The following ATF7IP2 variants were observed in gnomAD, a reference collection of about 807,000 sequenced individuals.
ATF7IP2 encodes the protein activating transcription factor 7 interacting protein 2, also known as activating transcription factor 7-interacting protein 2.
In ATF7IP2, 42 loss-of-function variants were observed where a neutral mutation model predicts 64.2. That is an observed-to-expected ratio of 0.65 (90% confidence interval 0.51 to 0.85). The LOEUF is 0.85. Ranked by LOEUF, ATF7IP2 falls within the 40% of genes least tolerant of loss-of-function variation. ATF7IP2 has a pLI of 0.00. For synonymous variants in ATF7IP2, 308 were observed against 272.8 expected (o/e 1.13, Z -1.27); for missense variants, 933 against 784.2 (o/e 1.19, Z -2.27).
At chr16:10,481,088 TA>T in intron 13 of ATF7IP2, 124 bp downstream of exon 13, 1 of 674,238 alleles carries the variant, frequency 1.5e-6, no homozygotes, top group Non-Finnish European at 2.6e-6. Flanking sequence ...GTGCTGTTGT[TA>T]ATCTACTTAT....
intron 8 of ATF7IP2, among the ~76,000 whole-genome samples, chr16:10,442,087 C>T (rs2048644733): frequency 6.6e-6 from 1 of 152,206 alleles, no homozygotes; most frequent in South Asian, 2.1e-4. Flanking sequence ...CTAGATTTAG[C>T]ATTTAGAATA....
At position 10,482,973 on chromosome 16, in the gene ATF7IP2, C is replaced by G. The variant is rs986449379; in HGVS notation, c.*724C>G. The stretch of plus-strand genomic sequence containing the variant: ...AGGGGATCCACCCGCCTCGGCCTCC[C>G]GAAGTGCTGGGATTATAGGCGTAAG... On this transcript the variant is annotated 3_prime_UTR_variant, in exon 14 of 14. Transcript: ENST00000562102. The G allele has an allele frequency of 6.6e-6, 1 of 152,232 alleles. No homozygotes were observed. Among genetic ancestry groups the G allele is most frequent in the Non-Finnish European group, 1.5e-5 (1 of 68,068 alleles). 9.4% of individuals were successfully genotyped at this position (152,232 alleles called of 1,614,324 possible). A position where few individuals can be genotyped will look rare whatever the true frequency, so the allele number is the denominator to read the frequency against.
At chr16:10,432,096 C>T (rs1489563002) in intron 5 of ATF7IP2, among the ~76,000 whole-genome samples, 2 of 151,692 alleles carry the variant, frequency 1.3e-5, no homozygotes, top group Admixed American at 1.3e-4. Flanking sequence ...CTTGGCCTCC[C>T]AAAGTGCTGG....
chr16:10,410,211 ATGTGTTTTCATTTGTT>A (rs1200162912), intron 1 of ATF7IP2, among the ~76,000 whole-genome samples: 2 of 152,018 alleles, frequency 1.3e-5, no homozygotes, highest in Admixed American at 6.5e-5. Flanking sequence ...TGAGCACGGG[ATGTGTTTTCATTTGTT>A]TGTATCATCT....
intron 12 of ATF7IP2, among the ~76,000 whole-genome samples, chr16:10,477,365 G>A (rs1424129616): frequency 6.6e-6 from 1 of 152,178 alleles, no homozygotes; most frequent in African/African-American, 2.4e-5. Flanking sequence ...GCTTTTTGAT[G>A]TGCCAAAAAC....
At chr16:10,441,794 G>C (rs903470743) in intron 8 of ATF7IP2, among the ~76,000 whole-genome samples, 2 of 152,054 alleles carry the variant, frequency 1.3e-5, no homozygotes, top group African/African-American at 4.8e-5. Context: ...GTTGCTTTTG[G>C]TGTTTTAGTC....
chr16:10,414,938 A>G (rs2047842181), intron 2 of ATF7IP2, among the ~76,000 whole-genome samples: 1 of 152,160 alleles, frequency 6.6e-6, no homozygotes, highest in Non-Finnish European at 1.5e-5. Flanking sequence ...AAAGATACCT[A>G]CAATGAAGAC....
At chr16:10,392,110 C>A (rs8057804) in intron 1 of ATF7IP2, among the ~76,000 whole-genome samples, 1 of 145,324 alleles carries the variant, frequency 6.9e-6, no homozygotes. Flanking sequence ...CTGGAGTGAA[C>A]GGGCAAGATC....
chr16:10,393,525 G>A (rs1359380255), intron 1 of ATF7IP2, among the ~76,000 whole-genome samples: 1 of 152,096 alleles, frequency 6.6e-6, no homozygotes, highest in Non-Finnish European at 1.5e-5. Context: ...AAAGCCATGA[G>A]AAATTCAAGA....
intron 1 of ATF7IP2, among the ~76,000 whole-genome samples, chr16:10,410,086 A>G (rs886925020): frequency 3.3e-5 from 5 of 152,132 alleles, no homozygotes; most frequent in Admixed American, 3.3e-4. Flanking sequence ...TGAATTTAGG[A>G]TTCTTTTTTC....
intron 8 of ATF7IP2, among the ~76,000 whole-genome samples, chr16:10,442,714 C>T (rs561193480): frequency 2.3e-4 from 35 of 152,206 alleles, no homozygotes; most frequent in Admixed American, 6.5e-4. Flanking sequence ...GTTCCTATCA[C>T]GATACAGACT....
chr16:10,440,546 C>A, intron 8 of ATF7IP2, 84 bp downstream of exon 8: 2 of 807,386 alleles, frequency 2.5e-6, no homozygotes, highest in Non-Finnish European at 3.9e-6. Flanking sequence ...TATTTCCAGG[C>A]TAGGACAGAA....
At chr16:10,410,342 GTTTTGTTTTGT>G (rs1472386540) in intron 1 of ATF7IP2, among the ~76,000 whole-genome samples, 1 of 44,530 alleles carries the variant, frequency 2.2e-5, no homozygotes, top group East Asian at 9.4e-4. Flanking sequence ...GTTTTGTTTT[GTTTTGTTTTGT>G]TTTGTTTTTG....
At chr16:10,448,325 T>G (rs1046788569) in intron 8 of ATF7IP2, 2 of 152,204 alleles carry the variant, frequency 1.3e-5, no homozygotes, top group African/African-American at 4.8e-5. Flanking sequence ...AATGGTAGCT[T>G]GATGGGGATA....
Position 10,431,228 on chromosome 16 carries a change from C to T in ATF7IP2, c.608C>T (p.Thr203Ile), listed in dbSNP as rs1398381226. 1 of 1,614,020 alleles carries T rather than the reference C, an allele frequency of 6.2e-7. No individual in the cohort carries two copies. The highest frequency in any genetic ancestry group is 1.3e-5 in the African/African-American group (1 of 74,916). The change falls in exon 5 of 14, where the codon ACA becomes ATA. Residue 203 changes from threonine to isoleucine, a missense_variant. Transcript: ENST00000562102. The stretch of plus-strand genomic sequence containing the variant: ...GACCAGATGGTTTTCCATTTAGAAA[C>T]AAACTCCAATTCAGAATCACATGAT... ...KTDQMVFHLE[T>I]NSNSESHDKR...
rs1326770703 is a variant in ATF7IP2, at chr16:10,393,292, G to A, written c.-242+7170G>A. On this transcript the variant is annotated intron_variant, in intron 1 of 13. Transcript: ENST00000562102. ...CTCAATGCCAGTGCACTCCAGGCTGGGTGACAGAGTGAGACTCTGTCTCAA... is the reference window on the plus strand; with the variant it reads ...CTCAATGCCAGTGCACTCCAGGCTGAGTGACAGAGTGAGACTCTGTCTCAA... 3.0e-5 allele frequency among the ~76,000 whole-genome samples: 4 copies of A among 133,754 alleles called. No individual in the cohort carries two copies. In the South Asian group the frequency reaches 7.6e-4, roughly 25 times the overall value. The allele number at this position is 133,754 out of a possible 152,430, so 87.7% of individuals were successfully genotyped here. A position where few individuals can be genotyped will look rare whatever the true frequency, so the allele number is the denominator to read the frequency against.
At chr16:10,409,743 T>C (rs1189654544) in intron 1 of ATF7IP2, among the ~76,000 whole-genome samples, 2 of 152,172 alleles carry the variant, frequency 1.3e-5, no homozygotes, top group East Asian at 1.9e-4. Context: ...CCATCTTGAG[T>C]TGATTTTTGT....
intron 7 of ATF7IP2, among the ~76,000 whole-genome samples, chr16:10,438,736 CTG>C (rs1316151191): frequency 6.6e-6 from 1 of 152,118 alleles, no homozygotes; most frequent in Non-Finnish European, 1.5e-5. Context: ...GTTAGGCATT[CTG>C]TGTCAATTGA....
At chr16:10,405,916 A>T (rs2047629441) in intron 1 of ATF7IP2, among the ~76,000 whole-genome samples, 1 of 152,138 alleles carries the variant, frequency 6.6e-6, no homozygotes, top group African/African-American at 2.4e-5. Context: ...AACATGGTAA[A>T]ACCCCATCTC....
Sources: gnomAD v4.1 joint callset for allele counts (sites outside exome capture counted in the v4.1 genomes callset) on GRCh38, gnomAD v4.1.1 for gene constraint, MANE v1.5 for transcripts, NCBI Gene and HGNC (gene_info 2026-07-23, HGNC 2026-07-21) for gene names.